The following B3GLCT variants were observed in gnomAD, a reference collection of about 807,000 sequenced individuals.
The protein encoded by B3GLCT is beta-1,3-glucosyltransferase.
In B3GLCT, 65 loss-of-function variants were observed where a neutral mutation model predicts 63.4. That is an observed-to-expected ratio of 1.03 (90% confidence interval 0.84 to 1.26). The LOEUF (loss-of-function observed/expected upper bound fraction) is 1.26. Ranked by LOEUF, B3GLCT falls within the 50% of genes most tolerant of loss-of-function variation. B3GLCT has a pLI of 0.00. For synonymous variants in B3GLCT, 233 were observed against 219.2 expected (o/e 1.06, Z -0.55); for missense variants, 577 against 604.8 (o/e 0.95, Z 0.48).
intron 1 of B3GLCT, among the ~76,000 whole-genome samples, chr13:31,205,388 C>T (rs943272421): frequency 5.9e-5 from 9 of 151,858 alleles, no homozygotes; most frequent in African/African-American, 2.2e-4. Flanking sequence ...GAAACCCCAT[C>T]TCTACTAAAA....
rs948501947 is a variant in B3GLCT at position 31,284,692 on chromosome 13, G to T, written c.895G>T (p.Glu299Ter). 46 of 1,611,964 alleles carry T rather than the reference G, an allele frequency of 2.9e-5. No individual in the cohort carries two copies. Among genetic ancestry groups the T allele is most frequent in the Non-Finnish European group, 3.7e-5 (44 of 1,178,128 alleles). ...TTGGGAGAGCCAGGCAAGTCTCATT[G>T]AATACTATAGTGACTATACTGAAAA... ...QTWESQASLIEYYSDYTENSI... is the reference protein window; with the variant it reads ...QTWESQASLI Residue 299 changes from glutamate to a stop codon, truncating the protein, a stop_gained, in exon 11 of 15, where the codon GAA becomes TAA. Transcript: ENST00000343307. LOFTEE classifies it high-confidence loss of function.
Position 31,289,542 on chromosome 13 carries a change from GGACTAA to G in B3GLCT, c.1064+2724_1064+2729del. Among the ~76,000 whole-genome samples the G allele has an allele frequency of 2.0e-5, 3 of 152,102 alleles. No individual in the cohort carries two copies. The Middle Eastern group carries it at 0.01, about 517-fold the overall frequency. ...GCAAAAGCATCAAGTCATGTATAAA[GGACTAA>G]TAGTGGACTTTTCAGCAGAAACCTT... On this transcript the variant is annotated intron_variant, in intron 12 of 14. Coordinates refer to ENST00000343307, the MANE Select transcript of B3GLCT (RefSeq NM_194318.4).
rs561054964 is a variant in B3GLCT at position 31,288,886 on chromosome 13, G to A, written c.1064+2067G>A. On this transcript the variant is annotated intron_variant, in intron 12 of 14. Transcript: ENST00000343307. ...GGACCACAACAATTTTCTGGGAACA[G>A]ATCCCAATCAGTAAGAATTCCTGAA... is the stretch of plus-strand genomic sequence containing the variant. 3.4e-4 allele frequency among the ~76,000 whole-genome samples: 52 copies of A among 152,178 alleles called. No individual in the cohort carries two copies. The Middle Eastern group carries it at 0.017, about 50-fold the overall frequency.
chr13:31,286,139 A>G (rs1321870516), intron 11 of B3GLCT, among the ~76,000 whole-genome samples: 1 of 152,216 alleles, frequency 6.6e-6, no homozygotes, highest in African/African-American at 2.4e-5. Context: ...CCATTAAAGC[A>G]TTGTAATTTA....
At chr13:31,311,690 G>A (rs1489502002) in intron 12 of B3GLCT, 2 of 152,156 alleles carry the variant, frequency 1.3e-5, no homozygotes. Context: ...ACCAGGTCGG[G>A]GATAACCAGG....
chr13:31,236,207 C>G (rs1870639895), intron 4 of B3GLCT, among the ~76,000 whole-genome samples: 1 of 152,188 alleles, frequency 6.6e-6, no homozygotes, highest in Non-Finnish European at 1.5e-5. Flanking sequence ...AGCATTAGAA[C>G]CTGTATTTCC....
chr13:31,285,008 T>A (rs1177882013), intron 11 of B3GLCT, among the ~76,000 whole-genome samples: 1 of 152,188 alleles, frequency 6.6e-6, no homozygotes, highest in Admixed American at 6.5e-5. Context: ...AATTTAACAA[T>A]AGATTTTTCA....
chr13:31,210,125 A>G (rs1869181706), intron 1 of B3GLCT, among the ~76,000 whole-genome samples: 1 of 152,248 alleles, frequency 6.6e-6, no homozygotes, highest in Non-Finnish European at 1.5e-5. Context: ...CTCTCTGTCT[A>G]GATGTGCTAA....
At chr13:31,276,884 A>G (rs901305703) in intron 10 of B3GLCT, 113 bp downstream of exon 10, 5 of 810,270 alleles carry the variant, frequency 6.2e-6, no homozygotes, top group Admixed American at 6.0e-5. Context: ...GACAATTCGG[A>G]TGTTGAAGTG....
At chr13:31,227,120 A>G (rs1870141073) in intron 3 of B3GLCT, among the ~76,000 whole-genome samples, 4 of 152,272 alleles carry the variant, frequency 2.6e-5, no homozygotes, top group Admixed American at 2.0e-4. Flanking sequence ...TGATACATGT[A>G]GTACTGGTTA....
chr13:31,258,741 C>T (rs1301890457), intron 6 of B3GLCT, among the ~76,000 whole-genome samples: 2 of 152,170 alleles, frequency 1.3e-5, no homozygotes, highest in Non-Finnish European at 2.9e-5. Flanking sequence ...TAATTTTCAA[C>T]AGTGTTACCA....
intron 10 of B3GLCT, among the ~76,000 whole-genome samples, chr13:31,278,526 T>C (rs1872905455): frequency 6.6e-6 from 1 of 152,250 alleles, no homozygotes; most frequent in African/African-American, 2.4e-5. Context: ...GCATGAGGCC[T>C]AAAATGTATC....
chr13:31,300,739 T>G (rs1386013166), intron 12 of B3GLCT, among the ~76,000 whole-genome samples: 1 of 152,184 alleles, frequency 6.6e-6, no homozygotes, highest in Non-Finnish European at 1.5e-5. Flanking sequence ...AATCTTAGGT[T>G]CTACAATAGT....
intron 4 of B3GLCT, among the ~76,000 whole-genome samples, chr13:31,232,966 A>G (rs914702323): frequency 6.6e-6 from 1 of 152,188 alleles, no homozygotes; most frequent in African/African-American, 2.4e-5. Flanking sequence ...TTTCTCCTAC[A>G]TACAGTATGG....
chr13:31,266,652 G>C (rs1872339681), intron 7 of B3GLCT, among the ~76,000 whole-genome samples: 1 of 152,214 alleles, frequency 6.6e-6, no homozygotes, highest in African/African-American at 2.4e-5. Flanking sequence ...TCTTCCACTA[G>C]AAGTCTGTGA....
intron 2 of B3GLCT, among the ~76,000 whole-genome samples, chr13:31,218,437 C>T (rs1869663187): frequency 6.6e-6 from 1 of 152,134 alleles, no homozygotes; most frequent in Non-Finnish European, 1.5e-5. Context: ...CCGCCTGCCT[C>T]AGCCTCCCAA....
intron 2 of B3GLCT, among the ~76,000 whole-genome samples, chr13:31,220,840 C>T (rs1333340907): frequency 6.6e-6 from 1 of 152,138 alleles, no homozygotes; most frequent in Non-Finnish European, 1.5e-5. Flanking sequence ...ATGGAAAGTC[C>T]AGTTGGCTTT....
chr13:31,226,147 G>GC (rs1566049273), intron 3 of B3GLCT, among the ~76,000 whole-genome samples: 1 of 152,080 alleles, frequency 6.6e-6, no homozygotes, highest in East Asian at 1.9e-4. Flanking sequence ...CCTTGCACTC[G>GC]CCCCCGATTG....
chr13:31,222,074 A>AT (rs5802597), intron 2 of B3GLCT, among the ~76,000 whole-genome samples: 1,930 of 92,938 alleles, frequency 0.021, 38 homozygotes, highest in Middle Eastern at 0.032. Context: ...TGTGCTCCTG[A>AT]TTTTTTTTTT....
Sources: allele counts gnomAD v4.1 joint callset (sites outside exome capture counted in the v4.1 genomes callset), GRCh38; gene constraint gnomAD v4.1.1; transcripts MANE v1.5; gene names NCBI Gene and HGNC (gene_info 2026-07-23, HGNC 2026-07-21).